The following ZNF536 variants were observed in gnomAD, a reference collection of about 807,000 sequenced individuals.
The protein encoded by ZNF536 is zinc finger protein 536.
In ZNF536, 13 loss-of-function variants were observed where a neutral mutation model predicts 84.5. The ratio of observed to expected loss-of-function variants is 0.15; its 90% confidence interval spans 0.10 to 0.24. The LOEUF is 0.24. Ranked by LOEUF, ZNF536 falls within the 10% of genes least tolerant of loss-of-function variation. ZNF536 has a pLI of 1.00. For synonymous variants in ZNF536, 811 were observed against 742.5 expected (o/e 1.09, Z -1.50); for missense variants, 1,536 against 1,747.5 (o/e 0.88, Z 2.16).
intron 1 of ZNF536, among the ~76,000 whole-genome samples, chr19:30,429,140 G>T (rs1285359170): frequency 6.6e-6 from 1 of 152,192 alleles, no homozygotes; most frequent in Non-Finnish European, 1.5e-5. Context: ...GAGGCCGTTT[G>T]TCTTGGATCC....
intron 1 of ZNF536, among the ~76,000 whole-genome samples, chr19:30,275,062 A>T (rs1338327443): frequency 6.6e-6 from 1 of 152,098 alleles, no homozygotes; most frequent in Non-Finnish European, 1.5e-5. Flanking sequence ...TCTTGAGCTG[A>T]GTGGGGTCTT....
intron 1 of ZNF536, among the ~76,000 whole-genome samples, chr19:30,595,203 G>A (rs760950462): frequency 1.3e-5 from 2 of 152,194 alleles, no homozygotes; most frequent in Non-Finnish European, 2.9e-5. Flanking sequence ...GTTTCCCCAT[G>A]TGGAGCTCAG....
intron 1 of ZNF536, among the ~76,000 whole-genome samples, chr19:30,377,363 G>A (rs139325902): frequency 2.6e-5 from 4 of 152,242 alleles, no homozygotes; most frequent in Middle Eastern, 3.4e-3. Flanking sequence ...CACTATAGTC[G>A]CTTCTGTGGT....
rs751824320 is a variant in ZNF536 at position 30,548,545 on chromosome 19, C to T, written c.2926C>T (p.Leu976=). ...RKSEKSQYEP[L]DLSVRPDAAS... ...GTCCGAGAAATCTCAGTATGAACCC[C>T]TGGACTTGTCTGTGCGGCCAGATGC... The change falls in exon 4 of 5, where the codon CTG becomes TTG. Residue 976 remains leucine, a synonymous_variant. Coordinates refer to ENST00000355537, the MANE Select transcript of ZNF536 (RefSeq NM_014717.3). The T allele has an allele frequency of 6.2e-7, 1 of 1,614,144 alleles. No homozygotes were observed. The highest frequency in any genetic ancestry group is 8.5e-7 in the Non-Finnish European group (1 of 1,180,040).
chr19:30,340,906 T>C (rs1398999586), intron 2 of ZNF536, among the ~76,000 whole-genome samples: 2 of 152,184 alleles, frequency 1.3e-5, no homozygotes, highest in Admixed American at 1.3e-4. Flanking sequence ...GTGTGTTTTA[T>C]GTCCCTTCTC....
intron 2 of ZNF536, among the ~76,000 whole-genome samples, chr19:30,456,353 T>A (rs191581696): frequency 6.8e-6 from 1 of 147,022 alleles, no homozygotes; most frequent in Admixed American, 7.0e-5. Context: ...CTCTGAGGTG[T>A]ACGTTTCTGC....
At chr19:30,507,468 A>G (rs2055221870) in intron 2 of ZNF536, among the ~76,000 whole-genome samples, 1 of 152,220 alleles carries the variant, frequency 6.6e-6, no homozygotes, top group Non-Finnish European at 1.5e-5. Flanking sequence ...ACTGTTAGGG[A>G]TAGTAAGACA....
At chr19:30,278,942 C>T (rs749104768) in intron 1 of ZNF536, among the ~76,000 whole-genome samples, 6 of 152,142 alleles carry the variant, frequency 3.9e-5, no homozygotes, top group East Asian at 1.9e-4. Flanking sequence ...CGACTAGGTA[C>T]GTGGATCCTA....
chr19:30,624,048 T>C (rs1179651639), intron 1 of ZNF536, among the ~76,000 whole-genome samples: 1 of 152,128 alleles, frequency 6.6e-6, no homozygotes, highest in Admixed American at 6.5e-5. Context: ...CTCTCCTTCA[T>C]AAATGACTCA....
intron 1 of ZNF536, among the ~76,000 whole-genome samples, chr19:30,374,757 G>A (rs1270416092): frequency 2.0e-5 from 3 of 151,830 alleles, no homozygotes; most frequent in Admixed American, 6.5e-5. Context: ...GAGAGGGCGA[G>A]TTTCATCCTG....
chr19:30,456,848 C>T (rs2052870415), intron 2 of ZNF536, among the ~76,000 whole-genome samples: 1 of 151,914 alleles, frequency 6.6e-6, no homozygotes, highest in Non-Finnish European at 1.5e-5. Context: ...TCGAGACCAG[C>T]CTGGCCAACG....
At chr19:30,440,473 C>T (rs146790004) in intron 1 of ZNF536, among the ~76,000 whole-genome samples, 1 of 152,198 alleles carries the variant, frequency 6.6e-6, no homozygotes, top group Non-Finnish European at 1.5e-5. Context: ...TCTATTCACT[C>T]ATTCATCCAT....
chr19:30,571,628 A>T (rs573821243), intron 1 of ZNF536, among the ~76,000 whole-genome samples: 1 of 151,932 alleles, frequency 6.6e-6, no homozygotes, highest in African/African-American at 2.4e-5. Flanking sequence ...CATGTTTCTC[A>T]TTTCTTCCAG....
At chr19:30,515,592 T>C (rs2055604799) in intron 2 of ZNF536, among the ~76,000 whole-genome samples, 1 of 152,066 alleles carries the variant, frequency 6.6e-6, no homozygotes, top group Non-Finnish European at 1.5e-5. Context: ...CAGGAAGCCA[T>C]TGGTAAAACA....
At chr19:30,673,782 A>C (rs988228930) in intron 1 of ZNF536, among the ~76,000 whole-genome samples, 2 of 152,208 alleles carry the variant, frequency 1.3e-5, no homozygotes, top group African/African-American at 4.8e-5. Flanking sequence ...CCATGTTTAT[A>C]GGTAAAATAT....
intron 1 of ZNF536, among the ~76,000 whole-genome samples, chr19:30,698,007 A>G (rs1484419327): frequency 1.1e-4 from 17 of 152,236 alleles, no homozygotes; most frequent in Admixed American, 1.0e-3. Flanking sequence ...AATGTTTCAT[A>G]GACGTGGGAT....
At chr19:30,541,098 GA>G (rs1201010507) in intron 3 of ZNF536, among the ~76,000 whole-genome samples, 3 of 152,202 alleles carry the variant, frequency 2.0e-5, no homozygotes, top group Non-Finnish European at 4.4e-5. Flanking sequence ...TGCTATGGTG[GA>G]AACCACCTTT....
chr19:30,380,617 G>T (rs1411136456), intron 1 of ZNF536, among the ~76,000 whole-genome samples: 2 of 152,170 alleles, frequency 1.3e-5, no homozygotes, highest in Non-Finnish European at 2.9e-5. Context: ...TGTGGCATCA[G>T]ATGTGAGCCC....
chr19:30,356,954 G>A (rs1210486340), intron 3 of ZNF536, among the ~76,000 whole-genome samples: 1 of 152,210 alleles, frequency 6.6e-6, no homozygotes, highest in African/African-American at 2.4e-5. Flanking sequence ...GGTGGTTCGA[G>A]CATGGTTCTT....
Sources: allele counts gnomAD v4.1 joint callset (sites outside exome capture counted in the v4.1 genomes callset), GRCh38; gene constraint gnomAD v4.1.1; transcripts MANE v1.5; gene names NCBI Gene and HGNC (gene_info 2026-07-23, HGNC 2026-07-21).